Variants in UNC5D observed in about 807,000 individuals in gnomAD.
UNC5D encodes the protein netrin receptor UNC5D.
UNC5D carries 39 observed loss-of-function variants against 105.4 expected under a neutral mutation model. That is an observed-to-expected ratio of 0.37 (90% CI 0.29 to 0.48). The LOEUF is 0.48. Among genes scored for constraint, UNC5D ranks in the 20% least tolerant of loss-of-function variants. The pLI, the probability that UNC5D is intolerant of heterozygous loss-of-function variation, is 0.98. For missense variants in UNC5D, 991 were observed against 1,202.4 expected, an observed-to-expected ratio of 0.82 and a Z score of 2.60; for synonymous variants, 452 against 450.4, an observed-to-expected ratio of 1.00 and a Z score of -0.04.
intron 7 of UNC5D, among the ~76,000 whole-genome samples, chr8:35,691,241 G>C (rs1051654630): frequency 8.5e-5 from 13 of 152,134 alleles, no homozygotes; most frequent in African/African-American, 3.1e-4. Flanking sequence ...GCTAGCAGGT[G>C]GGGGACCCAG....
intron 1 of UNC5D, among the ~76,000 whole-genome samples, chr8:35,262,707 T>G (rs1804575308): frequency 2.0e-5 from 3 of 152,194 alleles, no homozygotes; most frequent in African/African-American, 4.8e-5. Context: ...CAGGGAGGTT[T>G]CTTCTTTTGG....
In UNC5D at chr8:35,235,513, A is replaced by C; in HGVS notation, c.-272A>C. 8 of 309,656 alleles carry C rather than the reference A, an allele frequency of 2.6e-5. No homozygotes were observed. Among genetic ancestry groups the C allele is most frequent in the Non-Finnish European group, 2.9e-5 (5 of 169,720 alleles). 19.2% of individuals were successfully genotyped at this position (309,656 alleles called of 1,614,324 possible). A position where few individuals can be genotyped will look rare whatever the true frequency, so the allele number is the denominator to read the frequency against. On this transcript the variant is annotated 5_prime_UTR_variant, in exon 1 of 17. Transcript: ENST00000404895. Reference sequence around the variant, plus strand: ...CCCGGCAGCGGCGCGAGGGCTGGGAACTGCGCGGCGGGGACTGCGGGCGAC... The same window carrying C: ...CCCGGCAGCGGCGCGAGGGCTGGGACCTGCGCGGCGGGGACTGCGGGCGAC...
At chr8:35,705,026 C>T (rs940580079) in intron 7 of UNC5D, among the ~76,000 whole-genome samples, 90 of 147,968 alleles carry the variant, frequency 6.1e-4, no homozygotes, top group African/African-American at 1.8e-3. Flanking sequence ...TGCAGTGGCA[C>T]GATCTTGGCT....
At chr8:35,621,993 G>C (rs972910316) in intron 4 of UNC5D, among the ~76,000 whole-genome samples, 1 of 152,196 alleles carries the variant, frequency 6.6e-6, no homozygotes, top group African/African-American at 2.4e-5. Context: ...AGATACTACT[G>C]TTCCTACTTA....
At chr8:35,378,215 C>T (rs1327263718) in intron 1 of UNC5D, among the ~76,000 whole-genome samples, 1 of 152,164 alleles carries the variant, frequency 6.6e-6, no homozygotes, top group Non-Finnish European at 1.5e-5. Context: ...CATGATTTTT[C>T]AATACCTCTC....
intron 1 of UNC5D, among the ~76,000 whole-genome samples, chr8:35,256,766 G>A (rs1804101687): frequency 6.6e-6 from 1 of 151,958 alleles, no homozygotes; most frequent in African/African-American, 2.4e-5. Context: ...TGAAGAGGAT[G>A]GACATAGAAT....
At chr8:35,720,365 A>C (rs1828510222) in intron 8 of UNC5D, among the ~76,000 whole-genome samples, 1 of 152,200 alleles carries the variant, frequency 6.6e-6, no homozygotes, top group South Asian at 2.1e-4. Flanking sequence ...TTTGCTGAGC[A>C]GGTGTGTTCT....
chr8:35,253,119 T>C (rs1239616308), intron 1 of UNC5D, among the ~76,000 whole-genome samples: 3 of 151,918 alleles, frequency 2.0e-5, no homozygotes, highest in Admixed American at 6.6e-5. Flanking sequence ...TGTGTGTGTG[T>C]GTGCGTGTGT....
At chr8:35,248,799 AAATAT>A (rs1297907928) in intron 1 of UNC5D, among the ~76,000 whole-genome samples, 1 of 98,836 alleles carries the variant, frequency 1.0e-5, no homozygotes, top group African/African-American at 4.2e-5. Flanking sequence ...TAATATATAA[AAATAT>A]AATATATAAT....
intron 1 of UNC5D, among the ~76,000 whole-genome samples, chr8:35,475,398 C>T (rs1205460352): frequency 6.6e-6 from 1 of 152,214 alleles, no homozygotes; most frequent in African/African-American, 2.4e-5. Context: ...CAGAGCCTTG[C>T]CACCTGCTTG....
At chr8:35,346,486 G>A (rs1307374046) in intron 1 of UNC5D, among the ~76,000 whole-genome samples, 1 of 151,932 alleles carries the variant, frequency 6.6e-6, no homozygotes, top group Non-Finnish European at 1.5e-5. Flanking sequence ...TTGGAACAGG[G>A]TTAATTGTCA....
chr8:35,262,015 A>G (rs1804533447), intron 1 of UNC5D, among the ~76,000 whole-genome samples: 1 of 152,210 alleles, frequency 6.6e-6, no homozygotes, highest in African/African-American at 2.4e-5. Flanking sequence ...TGTGCAAATA[A>G]TACCTCCGTG....
chr8:35,645,527 C>CTGTGTGTGTGTG (rs374310163), intron 4 of UNC5D, among the ~76,000 whole-genome samples: 7 of 145,486 alleles, frequency 4.8e-5, no homozygotes, highest in African/African-American at 1.7e-4. Context: ...TGTGTGTGTG[C>CTGTGTGTGTGTG]TGTGTGTGTG....
intron 1 of UNC5D, among the ~76,000 whole-genome samples, chr8:35,252,099 G>A (rs1803745120): frequency 7.1e-6 from 1 of 141,542 alleles, no homozygotes; most frequent in Non-Finnish European, 1.5e-5. Flanking sequence ...CCGACTCACT[G>A]CAGGCTCTGC....
chr8:35,533,744 T>TC (rs1490912522), intron 1 of UNC5D, among the ~76,000 whole-genome samples: 2 of 152,204 alleles, frequency 1.3e-5, no homozygotes, highest in African/African-American at 4.8e-5. Flanking sequence ...GGATATAATC[T>TC]CGTGGTTCGC....
chr8:35,442,266 T>G (rs114208534), intron 1 of UNC5D, among the ~76,000 whole-genome samples: 2,656 of 151,942 alleles, frequency 0.017, 90 homozygotes, highest in African/African-American at 0.061. Flanking sequence ...GTATATTTTG[T>G]ACCAAATCCT....
chr8:35,270,819 A>C (rs913704192), intron 1 of UNC5D, among the ~76,000 whole-genome samples: 1 of 152,164 alleles, frequency 6.6e-6, no homozygotes, highest in Non-Finnish European at 1.5e-5. Flanking sequence ...ATTTATAGGC[A>C]GTCATTTCTT....
At chr8:35,381,131 A>T (rs1473037680) in intron 1 of UNC5D, among the ~76,000 whole-genome samples, 1 of 152,094 alleles carries the variant, frequency 6.6e-6, no homozygotes, top group Non-Finnish European at 1.5e-5. Flanking sequence ...TAAATATATA[A>T]GGCAGTCAAA....
At chr8:35,705,168 G>A (rs573229555) in intron 7 of UNC5D, among the ~76,000 whole-genome samples, 1 of 152,066 alleles carries the variant, frequency 6.6e-6, no homozygotes, top group African/African-American at 2.4e-5. Context: ...GTTTCACCGT[G>A]TTAGCCAGGA....
Sources: gnomAD v4.1 joint callset for allele counts (sites outside exome capture counted in the v4.1 genomes callset) on GRCh38, gnomAD v4.1.1 for gene constraint, MANE v1.5 for transcripts, NCBI Gene and HGNC (gene_info 2026-07-23, HGNC 2026-07-21) for gene names.